Variants in ZNF285 observed in about 807,000 individuals in gnomAD.
ZNF285 encodes zinc finger protein 285A.
ZNF285 carries 4 observed loss-of-function variants against 6.2 expected under a neutral mutation model. The observed-to-expected ratio is 0.65, with a 90% CI of 0.32 to 1.49. The LOEUF is 1.49. Among genes scored for constraint, ZNF285 ranks in the 40% most tolerant of loss-of-function variants. The pLI, the probability that ZNF285 is intolerant of heterozygous loss-of-function variation, is 0.07. For synonymous variants in ZNF285, 240 were observed against 245.8 expected, an observed-to-expected ratio of 0.98 and a Z score of 0.22; for missense variants, 695 against 708.8, an observed-to-expected ratio of 0.98 and a Z score of 0.22.
At chr19:44,391,156 A>AT (rs201277871) in intron 3 of ZNF285, among the ~76,000 whole-genome samples, 3,217 of 151,464 alleles carry the variant, frequency 0.021, 115 homozygotes, top group African/African-American at 0.074. Context: ...CCATCTCAAA[A>AT]AAAAAAAAAA....
At chr19:44,390,341 T>A (rs1326376002) in intron 3 of ZNF285, among the ~76,000 whole-genome samples, 2 of 152,182 alleles carry the variant, frequency 1.3e-5, no homozygotes, top group African/African-American at 4.8e-5. Flanking sequence ...GTGATCAGGA[T>A]GCAAGACATA....
chr19:44,387,190 C>T lies in ZNF285; in HGVS notation c.1055G>A (p.Gly352Glu), dbSNP rs1421636336. The T allele has an allele frequency of 4.3e-6, 7 of 1,613,146 alleles. No homozygotes were observed. The highest frequency in any genetic ancestry group is 1.6e-4 in the Middle Eastern group (1 of 6,076). Reference protein sequence around the residue: ...MPYKCDECGKGFGFRSLLCIH... With the variant: ...MPYKCDECGKEFGFRSLLCIH... ...ACAAAGAAGTGACCTAAATCCAAAC[C>T]CTTTCCCACATTCATCGCATTTGTA... The change falls in exon 4 of 4, where the codon GGG becomes GAG. Residue 352 changes from glycine (G) to glutamate (E), a missense_variant. Coordinates refer to ENST00000614994, the MANE Select transcript of ZNF285 (RefSeq NM_152354.6).
chr19:44,388,151 C>A, intron 3 of ZNF285, 49 bp from the exon 4 acceptor site: 2 of 1,542,166 alleles, frequency 1.3e-6, no homozygotes, highest in Non-Finnish European at 1.8e-6. Context: ...AATCATCCAT[C>A]CAGAGGTTTT....
intron 2 of ZNF285, among the ~76,000 whole-genome samples, chr19:44,395,145 G>A (rs1308495999): frequency 6.6e-6 from 1 of 152,132 alleles, no homozygotes; most frequent in East Asian, 1.9e-4. Context: ...TACAAGGACA[G>A]CCCCAAAATA....
chr19:44,401,028 C>G (rs1277598844), intron 1 of ZNF285, among the ~76,000 whole-genome samples: 11 of 152,222 alleles, frequency 7.2e-5, no homozygotes, highest in African/African-American at 2.6e-4. Context: ...CTGCCAAAAT[C>G]CAGAGTTCAG....
intron 2 of ZNF285, among the ~76,000 whole-genome samples, chr19:44,395,227 T>G (rs1443417785): frequency 6.6e-6 from 1 of 152,214 alleles, no homozygotes; most frequent in African/African-American, 2.4e-5. Context: ...TGAAGTATTC[T>G]TGTATAACCA....
At position 44,387,260 on chromosome 19, in the gene ZNF285, A is replaced by C. The variant is rs1253583973; in HGVS notation, c.985T>G (p.Ser329Ala). Residue 329 changes from serine (S) to alanine (A), a missense_variant, in exon 4 of 4, where the codon TCT becomes GCT. By Grantham distance (99) the Ser-to-Ala change is moderately conservative. Coordinates refer to ENST00000614994, the MANE Select transcript of ZNF285 (RefSeq NM_152354.6). ...ACTCGATGATGGTTGTGAAGGGAAG[A>C]GCTGCGCCTGAAGCCCTTGCCACAT... ...KECGKGFRRSSSLHNHHRVHT... is the reference protein window; with the variant it reads ...KECGKGFRRSASLHNHHRVHT... 1.2e-6 allele frequency: 2 copies of C among 1,613,978 alleles called. No individual in the cohort carries two copies. The highest frequency in any genetic ancestry group is 2.7e-5 in the African/African-American group (2 of 74,882).
rs551385384 is a variant in ZNF285, at chr19:44,387,617, C to T, written c.628G>A (p.Gly210Arg). 13 of 1,613,868 alleles carry T rather than the reference C, an allele frequency of 8.1e-6. No homozygotes were observed. In the African/African-American group the frequency reaches 1.6e-4, roughly 20 times the overall value. The part of the protein sequence containing the change: ...GEDPGRHPSC[G>R]KNLGMKSTVE... The stretch of plus-strand genomic sequence containing the variant: ...GTTGATTTCATACCCAAGTTTTTCC[C>T]ACAGCTGGGATGTCTACCAGGGTCC... The change falls in exon 4 of 4, where the codon GGG becomes AGG. Residue 210 changes from glycine (G) to arginine (R), a missense_variant. Transcript: ENST00000614994.
At chr19:44,391,233 C>T (rs1360481277) in intron 3 of ZNF285, among the ~76,000 whole-genome samples, 1 of 152,016 alleles carries the variant, frequency 6.6e-6, no homozygotes, top group African/African-American at 2.4e-5. Flanking sequence ...TCACCTTCCA[C>T]CATGATTGTG....
rs540835537 is a variant in ZNF285, at chr19:44,386,365, T to G, written c.*107A>C. 8.4e-7 allele frequency: 1 copy of G among 1,185,886 alleles called. No homozygotes were observed. Among genetic ancestry groups the G allele is most frequent in the Non-Finnish European group, 1.2e-6 (1 of 858,432 alleles). The allele number at this position is 1,185,886 out of a possible 1,614,324, so 73.5% of individuals were successfully genotyped here. On this transcript the variant is annotated 3_prime_UTR_variant, in exon 4 of 4. Transcript: ENST00000614994. ...TGCAGGCTGACATTATCGATGGCAGTGTCCCTGTCTTTTGCTCCCCTAGCC... is the reference window on the plus strand; with the variant it reads ...TGCAGGCTGACATTATCGATGGCAGGGTCCCTGTCTTTTGCTCCCCTAGCC...
At chr19:44,398,826 T>G (rs1816465) in intron 1 of ZNF285, among the ~76,000 whole-genome samples, 60,717 of 151,886 alleles carry the variant, frequency 0.4, 16,211 homozygotes, top group East Asian at 0.75. Flanking sequence ...CACCGAAGAT[T>G]AAAAAACAAA....
At chr19:44,395,680 C>A (rs971361691) in intron 2 of ZNF285, among the ~76,000 whole-genome samples, 2 of 152,114 alleles carry the variant, frequency 1.3e-5, no homozygotes, top group Non-Finnish European at 1.5e-5. Context: ...ATATCCTCTT[C>A]CATGCTCTCC....
rs368793630 is a variant in ZNF285, at chr19:44,387,728, C to T, written c.517G>A (p.Glu173Lys). The T allele has an allele frequency of 1.2e-5, 20 of 1,613,780 alleles. No homozygotes were observed. The highest frequency in any genetic ancestry group is 1.6e-4 in the Middle Eastern group (1 of 6,076). ...QGRYKGIYME[E>K]KLYRRAQHDD... Reference sequence around the variant, plus strand: ...TGCTGAGCACGTCTGTACAATTTCTCTTCCATGTAAATTCCCTTATATCTT... The same window carrying T: ...TGCTGAGCACGTCTGTACAATTTCTTTTCCATGTAAATTCCCTTATATCTT... The change falls in exon 4 of 4, where the codon GAG becomes AAG. Residue 173 changes from glutamate to lysine, a missense_variant. Transcript: ENST00000614994.
intron 2 of ZNF285, chr19:44,394,628 T>C (rs1971251116): frequency 1.9e-6 from 1 of 517,786 alleles, no homozygotes; most frequent in Non-Finnish European, 3.4e-6. Flanking sequence ...TTACATAAAA[T>C]ATTTCTATGG....
chr19:44,392,182 G>C (rs965254403), intron 3 of ZNF285, 158 bp downstream of exon 3: 28 of 1,494,070 alleles, frequency 1.9e-5, no homozygotes, highest in East Asian at 2.3e-5. Flanking sequence ...ATCTGTAAAA[G>C]CTCATTAACT....
rs753880623 is a variant in ZNF285, at chr19:44,387,387, A to C, written c.858T>G (p.Thr286=). Residue 286 remains threonine (T), a synonymous_variant, in exon 4 of 4, where the codon ACT becomes ACG. Transcript: ENST00000614994. ...TAGGCCATTCGTGGAATTCATAGGGAGTCTTGCCAGAGTGAGTTTTACAAT... is the reference window on the plus strand; with the variant it reads ...TAGGCCATTCGTGGAATTCATAGGGCGTCTTGCCAGAGTGAGTTTTACAAT... ...IVHCKTHSGK[T]PYEFHEWPMG... is the part of the protein sequence containing the mutation. 1.5e-5 allele frequency: 25 copies of C among 1,613,996 alleles called. No individual in the cohort carries two copies. The highest frequency in any genetic ancestry group is 1.9e-5 in the Non-Finnish European group (23 of 1,180,034).
rs1362865887 is a variant in ZNF285, at chr19:44,386,759, T to C, written c.1486A>G (p.Ser496Gly). Residue 496 changes from serine to glycine, a missense_variant, in exon 4 of 4, where the codon AGT becomes GGT. Transcript: ENST00000614994. ...CTTTGATGTAAGTGAAAATATGAAC[T>C]GTAACTGAAGCACTTTCCACACACT... Reference protein sequence around the residue: ...CEVCGKCFSYSSYFHLHQRDH... With the variant: ...CEVCGKCFSYGSYFHLHQRDH... 6.2e-7 allele frequency: 1 copy of C among 1,614,098 alleles called. No individual in the cohort carries two copies. Among genetic ancestry groups the C allele is most frequent in the Non-Finnish European group, 8.5e-7 (1 of 1,180,036 alleles).
chr19:44,387,120 T>C lies in ZNF285; in HGVS notation c.1125A>G (p.Glu375=). The change falls in exon 4 of 4, where the codon GAA becomes GAG. Residue 375 remains glutamate, a synonymous_variant. Coordinates refer to ENST00000614994, the MANE Select transcript of ZNF285 (RefSeq NM_152354.6). ...TCTGATCAAAGCCCTTCCCACACTC[T>C]TCACATTTATAGGGCTTTTTCCCTG... ...VHTGKKPYKC[E]ECGKGFDQSS... is the part of the protein sequence containing the mutation. 1.2e-6 allele frequency: 2 copies of C among 1,614,154 alleles called. No individual in the cohort carries two copies. Among genetic ancestry groups the C allele is most frequent in the Non-Finnish European group, 8.5e-7 (1 of 1,180,020 alleles).
At position 44,387,206 on chromosome 19, in the gene ZNF285, C is replaced by T. The variant is rs202025427; in HGVS notation, c.1039G>A (p.Asp347Asn). The T allele has an allele frequency of 6.6e-5, 107 of 1,611,236 alleles. No homozygotes were observed. In the Admixed American group the frequency reaches 8.7e-4, roughly 13 times the overall value. The stretch of plus-strand genomic sequence containing the variant: ...AATCCAAACCCTTTCCCACATTCAT[C>T]GCATTTGTAGGGCATCTCCCCTGTG... ...VHTGEMPYKC[D>N]ECGKGFGFRS... The change falls in exon 4 of 4, where the codon GAT becomes AAT. Residue 347 changes from aspartate (D) to asparagine (N), a missense_variant. Transcript: ENST00000614994.
Sources: allele counts gnomAD v4.1 joint callset (sites outside exome capture counted in the v4.1 genomes callset), GRCh38; gene constraint gnomAD v4.1.1; transcripts MANE v1.5; gene names NCBI Gene and HGNC (gene_info 2026-07-23, HGNC 2026-07-21).